GRM5: variants seen among roughly 807,000 people sequenced by gnomAD.
GRM5 encodes the protein metabotropic glutamate receptor 5.
In GRM5, 19 loss-of-function variants were observed where a neutral mutation model predicts 83.1. The observed-to-expected ratio is 0.23, with a 90% CI of 0.16 to 0.34. The LOEUF (loss-of-function observed/expected upper bound fraction) is 0.34. Ranked by LOEUF, GRM5 falls within the 10% of genes least tolerant of loss-of-function variation. GRM5 has a pLI of 1.00. For synonymous variants in GRM5, 675 were observed against 633.6 expected (o/e 1.07, Z -0.98); for missense variants, 1,160 against 1,588.3 (o/e 0.73, Z 4.58).
intron 2 of GRM5, among the ~76,000 whole-genome samples, chr11:89,027,909 G>A (rs1329762927): frequency 6.6e-6 from 1 of 152,110 alleles, no homozygotes; most frequent in Non-Finnish European, 1.5e-5. Context: ...AGGTGATGGG[G>A]CCATCAGGGC....
At chr11:88,722,974 A>G (rs1041794570) in intron 3 of GRM5, among the ~76,000 whole-genome samples, 2 of 133,374 alleles carry the variant, frequency 1.5e-5, no homozygotes, top group Admixed American at 7.1e-5. Context: ...CTCATACACA[A>G]TAAAATTTCA....
rs77708749 is a variant in GRM5, at chr11:88,540,690, C to T, written c.2631-15286G>A. Among the ~76,000 whole-genome samples, 31 of 152,186 alleles carry T rather than the reference C, an allele frequency of 2.0e-4. No homozygotes were observed. In the East Asian group the frequency reaches 5.6e-3, roughly 28 times the overall value. ...TCACAAGTCTATGACTAGAGATTAC[C>T]TTTCCACTGCCTCTATTCTTCATCA... On this transcript the variant is annotated intron_variant, in intron 8 of 9. Transcript: ENST00000305447.
chr11:89,064,499 T>A (rs1273749064), intron 1 of GRM5, among the ~76,000 whole-genome samples: 1 of 151,844 alleles, frequency 6.6e-6, no homozygotes, highest in South Asian at 2.1e-4. Context: ...CAACTGCCTT[T>A]AGTACTTTGA....
chr11:88,598,488 C>T (rs1937884191), intron 5 of GRM5, among the ~76,000 whole-genome samples: 1 of 150,232 alleles, frequency 6.7e-6, no homozygotes, highest in African/African-American at 2.5e-5. Context: ...GTTGGTTGTT[C>T]AGTAACTTGA....
chr11:88,923,559 G>A (rs1272987756), intron 2 of GRM5, among the ~76,000 whole-genome samples: 1 of 152,038 alleles, frequency 6.6e-6, no homozygotes, highest in Non-Finnish European at 1.5e-5. Context: ...AAGTGTAGTG[G>A]GGAGTAGAGG....
chr11:88,561,539 T>G (rs1279792341), intron 8 of GRM5, among the ~76,000 whole-genome samples: 1 of 152,180 alleles, frequency 6.6e-6, no homozygotes, highest in African/African-American at 2.4e-5. Flanking sequence ...AACTTTAGAT[T>G]CATCAGATTC....
At chr11:88,704,449 T>G (rs1941107564) in intron 3 of GRM5, among the ~76,000 whole-genome samples, 1 of 152,034 alleles carries the variant, frequency 6.6e-6, no homozygotes, top group Admixed American at 6.6e-5. Flanking sequence ...AAACCTAGGA[T>G]GAGAACCACT....
At position 88,946,575 on chromosome 11, in the gene GRM5, A is replaced by G. The variant is rs550488850; in HGVS notation, c.662-96420T>C. On this transcript the variant is annotated intron_variant, in intron 2 of 9. Coordinates refer to ENST00000305447, the MANE Select transcript of GRM5 (RefSeq NM_001143831.3). ...AATTAATGCAAACAGAGAAAATCAA[A>G]TATTGCATGTTTTCACTTACAAGTA... Among the ~76,000 whole-genome samples the G allele has an allele frequency of 3.3e-5, 5 of 152,196 alleles. No homozygotes were observed. The South Asian group carries it at 8.3e-4, about 25-fold the overall frequency.
chr11:88,522,569 T>TTCTCTCTCTCTCTCTCTC (rs146352449), intron 9 of GRM5, among the ~76,000 whole-genome samples: 25 of 138,790 alleles, frequency 1.8e-4, no homozygotes, highest in African/African-American at 5.9e-4. Flanking sequence ...CAGGTCTCTC[T>TTCTCTCTCTCTCTCTCTC]TCTCTCTCTC....
At chr11:88,927,213 C>G (rs1945804800) in intron 2 of GRM5, among the ~76,000 whole-genome samples, 1 of 150,508 alleles carries the variant, frequency 6.6e-6, no homozygotes, top group South Asian at 2.2e-4. Context: ...GCTCCCTCCT[C>G]CTGTTGGCCT....
At position 88,762,379 on chromosome 11, in the gene GRM5, T is replaced by C. The variant is rs115857458; in HGVS notation, c.911+87527A>G. Among the ~76,000 whole-genome samples, 273 of 151,876 alleles carry C rather than the reference T, an allele frequency of 1.8e-3. 2 individuals are homozygous for C. Among genetic ancestry groups the C allele is most frequent in the African/African-American group, 6.2e-3 (258 of 41,512 alleles). On this transcript the variant is annotated intron_variant, in intron 3 of 9. Coordinates refer to ENST00000305447, the MANE Select transcript of GRM5 (RefSeq NM_001143831.3). ...CCCATTAAAATGTGGACAAAGTACATGAACACTTTTCAAAATAATACATAT... is the reference window on the plus strand; with the variant it reads ...CCCATTAAAATGTGGACAAAGTACACGAACACTTTTCAAAATAATACATAT...
At chr11:89,045,250 A>G (rs1345601793) in intron 2 of GRM5, among the ~76,000 whole-genome samples, 1 of 152,102 alleles carries the variant, frequency 6.6e-6, no homozygotes, top group Non-Finnish European at 1.5e-5. Context: ...GTTATATTTC[A>G]GTAGGTAAAT....
chr11:88,952,129 C>A (rs5793365), intron 2 of GRM5, among the ~76,000 whole-genome samples: 1 of 9,172 alleles, frequency 1.1e-4, no homozygotes, highest in Non-Finnish European at 5.9e-3. Flanking sequence ...CAAACAAACA[C>A]ACACACACAC....
chr11:88,961,056 A>T (rs1938768252), intron 2 of GRM5, among the ~76,000 whole-genome samples: 1 of 152,158 alleles, frequency 6.6e-6, no homozygotes, highest in Non-Finnish European at 1.5e-5. Context: ...GGCCTAAAAT[A>T]ACTGCTAGAT....
chr11:88,522,569 T>TTCTCTCTCTCTCTCTCTCTC (rs146352449), intron 9 of GRM5, among the ~76,000 whole-genome samples: 5 of 138,886 alleles, frequency 3.6e-5, no homozygotes, highest in African/African-American at 1.1e-4. Context: ...CAGGTCTCTC[T>TTCTCTCTCTCTCTCTCTCTC]TCTCTCTCTC....
intron 2 of GRM5, among the ~76,000 whole-genome samples, chr11:88,860,411 G>C (rs1367057549): frequency 1.3e-5 from 2 of 152,078 alleles, no homozygotes; most frequent in Admixed American, 6.6e-5. Context: ...ACTCTATACG[G>C]AGCTGTGTGT....
chr11:88,593,603 G>A (rs1199488024), intron 6 of GRM5, among the ~76,000 whole-genome samples: 1 of 151,146 alleles, frequency 6.6e-6, no homozygotes, highest in Non-Finnish European at 1.5e-5. Flanking sequence ...ACCTGAACCC[G>A]GGAGGCGGAG....
chr11:89,007,026 T>TGACCTCGTGATCTGCCC, intron 2 of GRM5, among the ~76,000 whole-genome samples: 1 of 152,200 alleles, frequency 6.6e-6, no homozygotes, highest in Non-Finnish European at 1.5e-5. Flanking sequence ...CTCCATCTCC[T>TGACCTCGTGATCTGCCC]GACCTCGTGA....
At chr11:88,782,842 G>A (rs1365930208) in intron 3 of GRM5, among the ~76,000 whole-genome samples, 2 of 152,116 alleles carry the variant, frequency 1.3e-5, no homozygotes, top group Non-Finnish European at 2.9e-5. Context: ...GATAATGGCT[G>A]AACTCATTCA....
Sources: allele counts gnomAD v4.1 joint callset (sites outside exome capture counted in the v4.1 genomes callset), GRCh38; gene constraint gnomAD v4.1.1; transcripts MANE v1.5; gene names NCBI Gene and HGNC (gene_info 2026-07-23, HGNC 2026-07-21).